The following CNKSR3 variants were observed in gnomAD, a reference collection of about 807,000 sequenced individuals.
The protein encoded by CNKSR3 is connector enhancer of kinase suppressor of ras 3.
CNKSR3 carries 36 observed loss-of-function variants against 67.7 expected under a neutral mutation model. The observed-to-expected ratio is 0.53, with a 90% CI of 0.41 to 0.70. CNKSR3 has a LOEUF of 0.70. Ranked by LOEUF, CNKSR3 falls within the 30% of genes least tolerant of loss-of-function variation. CNKSR3 has a pLI of 0.00. For synonymous variants in CNKSR3, 281 were observed against 271.4 expected, an observed-to-expected ratio of 1.04 and a Z score of -0.35; for missense variants, 630 against 695.2, an observed-to-expected ratio of 0.91 and a Z score of 1.05.
At position 154,415,224 on chromosome 6, in the gene CNKSR3, G is replaced by A. The variant is rs559700976; in HGVS notation, c.946-801C>T. Among the ~76,000 whole-genome samples the A allele has an allele frequency of 7.8e-3, 640 of 82,418 alleles. 5 individuals are homozygous for A. The highest frequency in any genetic ancestry group is 0.035 in the African/African-American group (605 of 17,394). 54.1% of individuals were successfully genotyped at this position (82,418 alleles called of 152,430 possible). A position where few individuals can be genotyped will look rare whatever the true frequency, so the allele number is the denominator to read the frequency against. Reference sequence around the variant, plus strand: ...GTGATCCTGGCTAGACTTACTAGCTGCCCATTTTTTTTTTTTTTTTTTTTA... The same window carrying A: ...GTGATCCTGGCTAGACTTACTAGCTACCCATTTTTTTTTTTTTTTTTTTTA... On this transcript the variant is annotated intron_variant, in intron 9 of 12. Transcript: ENST00000607772.
In CNKSR3 at chr6:154,406,642, G is replaced by A; in HGVS notation, c.1380C>T (p.Ala460=). The A allele has an allele frequency of 6.2e-7, 1 of 1,611,632 alleles. No homozygotes were observed. Among genetic ancestry groups the A allele is most frequent in the Non-Finnish European group, 8.5e-7 (1 of 1,178,172 alleles). ...GCTCGTTACTGAAATACCGGCAAAG[G>A]GCATCCTCCCCTGTTTCCAGACAAA... ...PRGHGRKGED[A]LCRYFSNERI... Residue 460 remains alanine, a synonymous_variant, in exon 13 of 13, where the codon GCC becomes GCT. Coordinates refer to ENST00000607772, the MANE Select transcript of CNKSR3 (RefSeq NM_173515.4).
intron 10 of CNKSR3, among the ~76,000 whole-genome samples, chr6:154,413,770 C>A (rs560159827): frequency 6.6e-6 from 1 of 152,102 alleles, no homozygotes; most frequent in Admixed American, 6.6e-5. Context: ...TTTTTTGAGA[C>A]AGGGTCTCGC....
At chr6:154,453,002 A>AT (rs1785871832) in intron 1 of CNKSR3, among the ~76,000 whole-genome samples, 1 of 152,332 alleles carries the variant, frequency 6.6e-6, no homozygotes, top group African/African-American at 2.4e-5. Context: ...ATACAATAAC[A>AT]TTTCCTTTCA....
At chr6:154,458,319 AT>A (rs1786001524) in intron 1 of CNKSR3, among the ~76,000 whole-genome samples, 1 of 152,138 alleles carries the variant, frequency 6.6e-6, no homozygotes, top group Admixed American at 6.5e-5. Flanking sequence ...TTAAGGAATC[AT>A]TTCATACAGT....
chr6:154,446,630 T>C (rs1457609266), intron 2 of CNKSR3, among the ~76,000 whole-genome samples: 1 of 152,104 alleles, frequency 6.6e-6, no homozygotes, highest in East Asian at 1.9e-4. Context: ...TCATGACAGG[T>C]ACTTCATTTA....
rs922399499 is a variant in CNKSR3, at chr6:154,462,227, G to T, written c.53-11969C>A. ...ACCAAAGAAAATTCTGTACCCATTAGAAGTCCCTCCCCCCGAAATTATACA... is the reference window on the plus strand; with the variant it reads ...ACCAAAGAAAATTCTGTACCCATTATAAGTCCCTCCCCCCGAAATTATACA... On this transcript the variant is annotated intron_variant, in intron 1 of 12. Coordinates refer to ENST00000607772, the MANE Select transcript of CNKSR3 (RefSeq NM_173515.4). 5.3e-5 allele frequency among the ~76,000 whole-genome samples: 8 copies of T among 151,454 alleles called. No homozygotes were observed. In the South Asian group the frequency reaches 1.3e-3, roughly 24 times the overall value.
chr6:154,428,070 G>A, intron 7 of CNKSR3, 58 bp downstream of exon 7: 2 of 1,116,674 alleles, frequency 1.8e-6, no homozygotes, highest in South Asian at 1.3e-5. Context: ...TATAGAGACT[G>A]TGGATCAAAT....
At chr6:154,434,353 G>C (rs1719054610) in intron 4 of CNKSR3, among the ~76,000 whole-genome samples, 1 of 152,086 alleles carries the variant, frequency 6.6e-6, no homozygotes, top group African/African-American at 2.4e-5. Flanking sequence ...AGATTCTATA[G>C]AGTTTATTCA....
chr6:154,495,912 C>T (rs1478692202), intron 1 of CNKSR3, among the ~76,000 whole-genome samples: 1 of 152,050 alleles, frequency 6.6e-6, no homozygotes, highest in East Asian at 1.9e-4. Context: ...CTCAACCCTC[C>T]CCATTGCCAC....
At chr6:154,418,274 G>A (rs575046162) in intron 9 of CNKSR3, among the ~76,000 whole-genome samples, 15 of 152,266 alleles carry the variant, frequency 9.9e-5, no homozygotes, top group South Asian at 2.1e-4. Flanking sequence ...CTGCCTCCCC[G>A]TCATCATTCT....
At position 154,442,079 on chromosome 6, in the gene CNKSR3, C is replaced by T. The variant is rs1572660; in HGVS notation, c.419+9G>A. ...TTGCAGGGCAGTAAAAGGCACATCTCCAACTTACCGGTCCAGCCACGCCAG... is the reference window on the plus strand; with the variant it reads ...TTGCAGGGCAGTAAAAGGCACATCTTCAACTTACCGGTCCAGCCACGCCAG... On this transcript the variant is annotated intron_variant, in intron 3 of 12. Coordinates refer to ENST00000607772, the MANE Select transcript of CNKSR3 (RefSeq NM_173515.4). 1 of 1,595,896 alleles carries T rather than the reference C, an allele frequency of 6.3e-7. No individual in the cohort carries two copies. Among genetic ancestry groups the T allele is most frequent in the Non-Finnish European group, 8.6e-7 (1 of 1,168,112 alleles).
At position 154,393,200 on chromosome 6, in the gene CNKSR3, C is replaced by T. The variant is rs1784626287; in HGVS notation, c.*13154G>A. 6.6e-6 allele frequency: 1 copy of T among 152,252 alleles called. No individual in the cohort carries two copies. Among genetic ancestry groups the T allele is most frequent in the South Asian group, 2.1e-4 (1 of 4,830 alleles). The allele number at this position is 152,252 out of a possible 1,614,324, so 9.4% of individuals were successfully genotyped here. Reference sequence around the variant, plus strand: ...AAGTGCTGGGATTGTAGGTGTGAGCCACTGCACCCACCTACTTAGTGTTTC... The same window carrying T: ...AAGTGCTGGGATTGTAGGTGTGAGCTACTGCACCCACCTACTTAGTGTTTC... On this transcript the variant is annotated 3_prime_UTR_variant, in exon 13 of 13. Coordinates refer to ENST00000607772, the MANE Select transcript of CNKSR3 (RefSeq NM_173515.4).
At chr6:154,452,368 T>C (rs1785855860) in intron 1 of CNKSR3, among the ~76,000 whole-genome samples, 1 of 152,188 alleles carries the variant, frequency 6.6e-6, no homozygotes, top group African/African-American at 2.4e-5. Context: ...AGACAGTTAT[T>C]AAAATAGAAT....
intron 9 of CNKSR3, among the ~76,000 whole-genome samples, chr6:154,421,891 C>G (rs1009933335): frequency 6.6e-5 from 10 of 152,026 alleles, no homozygotes; most frequent in African/African-American, 2.2e-4. Flanking sequence ...CGTATCCACA[C>G]TGTCCGATAT....
At chr6:154,503,692 T>A (rs1212406278) in intron 1 of CNKSR3, among the ~76,000 whole-genome samples, 3 of 151,106 alleles carry the variant, frequency 2.0e-5, no homozygotes, top group Non-Finnish European at 2.9e-5. Context: ...AAGGAAGAAA[T>A]CTCAAGGGAA....
chr6:154,437,573 C>A (rs568835308), intron 4 of CNKSR3, among the ~76,000 whole-genome samples: 10 of 151,966 alleles, frequency 6.6e-5, no homozygotes, highest in African/African-American at 1.9e-4. Flanking sequence ...CGCCACCATG[C>A]CCTGGGTGAT....
intron 1 of CNKSR3, among the ~76,000 whole-genome samples, chr6:154,465,322 T>C (rs1021879448): frequency 6.9e-6 from 1 of 144,072 alleles, no homozygotes; most frequent in African/African-American, 2.6e-5. Context: ...TTTCCTCTAA[T>C]ATTCAAAAGA....
In CNKSR3 at chr6:154,509,898, G is replaced by A. The variant is rs542061175; in HGVS notation, c.52+165C>T. On this transcript the variant is annotated intron_variant, in intron 1 of 12. Transcript: ENST00000607772. ...GAAAGGAAGAGCTCGGAGCAGGTAC[G>A]AGAGATAGGAGCGCACAGGCCACTC... Among the ~76,000 whole-genome samples, 60 of 152,314 alleles carry A rather than the reference G, an allele frequency of 3.9e-4. No individual in the cohort carries two copies. In the South Asian group the frequency reaches 0.012, roughly 30 times the overall value.
rs563924952 is a variant in CNKSR3, at chr6:154,455,180, G to A, written c.53-4922C>T. Among the ~76,000 whole-genome samples, 68 of 151,686 alleles carry A rather than the reference G, an allele frequency of 4.5e-4. 1 individual carries two copies. Among genetic ancestry groups the A allele is most frequent in the Admixed American group, 9.8e-4 (15 of 15,260 alleles). ...CAAAAAAAAAAAAAATTAGCCAGGC[G>A]TGGTGGCAGGCACCTGTAATCCCAG... On this transcript the variant is annotated intron_variant, in intron 1 of 12. Transcript: ENST00000607772.
Sources: allele counts gnomAD v4.1 joint callset (sites outside exome capture counted in the v4.1 genomes callset), GRCh38; gene constraint gnomAD v4.1.1; transcripts MANE v1.5; gene names NCBI Gene and HGNC (gene_info 2026-07-23, HGNC 2026-07-21).